CEP63: variants seen among roughly 807,000 people sequenced by gnomAD.
CEP63 encodes centrosomal protein 63.
Under a neutral mutation model 89.1 loss-of-function variants are expected in CEP63, and 84 were observed. That is an observed-to-expected ratio of 0.94 (90% confidence interval 0.79 to 1.13). The LOEUF is 1.13. Ranked by LOEUF, CEP63 falls within the 50% of genes most tolerant of loss-of-function variation. The pLI is 0.00. For synonymous variants in CEP63, 267 were observed against 272.5 expected, an observed-to-expected ratio of 0.98 and a Z score of 0.20; for missense variants, 838 against 813.3, an observed-to-expected ratio of 1.03 and a Z score of -0.37.
chr3:134,768,339 C>T, the CEP63 span, among the ~76,000 whole-genome samples: 266 of 152,316 alleles, frequency 1.7e-3, no homozygotes, highest in African/African-American at 6.0e-3. Flanking sequence ...CCGAATTTTT[C>T]AGGAACAAGG....
chr3:134,614,423 A>T, the CEP63 span, among the ~76,000 whole-genome samples: 2 of 152,224 alleles, frequency 1.3e-5, no homozygotes, highest in South Asian at 4.1e-4. Flanking sequence ...TGCCCTGAAC[A>T]AGCTGCCAAG....
the CEP63 span, among the ~76,000 whole-genome samples, chr3:134,663,691 G>T: frequency 6.6e-6 from 1 of 151,622 alleles, no homozygotes; most frequent in African/African-American, 2.4e-5. Context: ...ATCATTCCCT[G>T]GCATGCGGGG....
chr3:134,682,428 T>A, the CEP63 span, among the ~76,000 whole-genome samples: 1 of 152,158 alleles, frequency 6.6e-6, no homozygotes, highest in East Asian at 1.9e-4. Context: ...TAGGGCCCTG[T>A]AAGCCAATAG....
At chr3:134,681,529 G>T in the CEP63 span, among the ~76,000 whole-genome samples, 2 of 152,142 alleles carry the variant, frequency 1.3e-5, no homozygotes, top group African/African-American at 4.8e-5. Flanking sequence ...TACAGTGAAG[G>T]TTAAACCAGA....
At chr3:134,650,104 C>T in the CEP63 span, among the ~76,000 whole-genome samples, 1 of 152,178 alleles carries the variant, frequency 6.6e-6, no homozygotes, top group African/African-American at 2.4e-5. Flanking sequence ...GTTCTGTCGT[C>T]TGGAGAACAG....
chr3:134,778,544 T>C, the CEP63 span, among the ~76,000 whole-genome samples: 1 of 152,000 alleles, frequency 6.6e-6, no homozygotes. Flanking sequence ...CTGTTTTGTT[T>C]GTTTGTTTGT....
chr3:134,714,424 C>A, the CEP63 span, among the ~76,000 whole-genome samples: 10 of 152,184 alleles, frequency 6.6e-5, no homozygotes, highest in Non-Finnish European at 1.3e-4. Context: ...AATTCATGTC[C>A]CATCTTGTGT....
the CEP63 span, among the ~76,000 whole-genome samples, chr3:134,782,315 CT>C: frequency 1.3e-5 from 2 of 152,066 alleles, no homozygotes; most frequent in African/African-American, 4.8e-5. Flanking sequence ...AATGTTGTTT[CT>C]TTTTTTGGTG....
the CEP63 span, among the ~76,000 whole-genome samples, chr3:134,708,129 A>C: frequency 6.6e-6 from 1 of 152,188 alleles, no homozygotes; most frequent in African/African-American, 2.4e-5. Flanking sequence ...ATTGTGAATC[A>C]ATCCTTGCAC....
chr3:134,559,220 A>G lies in CEP63; in HGVS notation c.1744A>G (p.Arg582Gly), dbSNP rs1956873333. ...CTACAAAACAGATCTTCATTCTCCA[A>G]GAGGACAAGCGTCGGATAGTATAAA... The part of the protein sequence containing the change: ...EHYKTDLHSP[R>G]GQASDSINPM... Residue 582 changes from arginine to glycine, a missense_variant, in exon 14 of 15, where the codon AGA becomes GGA. Physicochemically the swap from Arg to Gly is moderately radical, Grantham distance 125. Transcript: ENST00000675561. 1.2e-6 allele frequency: 2 copies of G among 1,614,182 alleles called. No individual in the cohort carries two copies. The highest frequency in any genetic ancestry group is 1.7e-6 in the Non-Finnish European group (2 of 1,180,010).
At chr3:134,651,182 G>A in the CEP63 span, 1 of 1,381,768 alleles carries the variant, frequency 7.2e-7, no homozygotes. Flanking sequence ...GCGGCTCTAA[G>A]TCACCTTTGA....
chr3:134,752,361 T>C, the CEP63 span, among the ~76,000 whole-genome samples: 1 of 152,098 alleles, frequency 6.6e-6, no homozygotes, highest in Admixed American at 6.5e-5. Context: ...GAGGAAAGTG[T>C]CCAACACATA....
chr3:134,650,842 A>C, the CEP63 span: 2 of 1,604,740 alleles, frequency 1.2e-6, no homozygotes, highest in Non-Finnish European at 1.7e-6. Flanking sequence ...GCGCTGCAGC[A>C]GCGAGCTCGG....
At chr3:134,657,486 A>G in the CEP63 span, among the ~76,000 whole-genome samples, 5 of 152,348 alleles carry the variant, frequency 3.3e-5, no homozygotes, top group East Asian at 7.7e-4. Context: ...CCTGTAATGA[A>G]TAGTTTACTA....
the CEP63 span, among the ~76,000 whole-genome samples, chr3:134,599,066 C>G: frequency 6.6e-6 from 1 of 152,210 alleles, no homozygotes; most frequent in Non-Finnish European, 1.5e-5. Context: ...TGTTCCACAG[C>G]AGGGCCCTTC....
At chr3:134,534,296 C>T (rs530120231) in intron 5 of CEP63, among the ~76,000 whole-genome samples, 1 of 152,272 alleles carries the variant, frequency 6.6e-6, no homozygotes, top group East Asian at 1.9e-4. Context: ...GTTTGATTAT[C>T]TTTGTGTCTC....
intron 3 of CEP63, among the ~76,000 whole-genome samples, chr3:134,531,580 CAAAAAGAA>C (rs778867685): frequency 5.3e-5 from 8 of 151,548 alleles, no homozygotes; most frequent in Non-Finnish European, 8.8e-5. Flanking sequence ...ACTCCCATCT[CAAAAAGAA>C]AAAAAGAAAA....
chr3:134,669,798 C>T, the CEP63 span, among the ~76,000 whole-genome samples: 1 of 152,168 alleles, frequency 6.6e-6, no homozygotes, highest in African/African-American at 2.4e-5. Context: ...CAAATAATTT[C>T]TGTGCACAAG....
chr3:134,526,038 T>C (rs1264654340), intron 3 of CEP63, among the ~76,000 whole-genome samples: 1 of 152,162 alleles, frequency 6.6e-6, no homozygotes, highest in African/African-American at 2.4e-5. Context: ...TCCAGATTGG[T>C]TCCATTCTCC....
Sources: allele counts gnomAD v4.1 joint callset (sites outside exome capture counted in the v4.1 genomes callset), GRCh38; gene constraint gnomAD v4.1.1; transcripts MANE v1.5; gene names NCBI Gene and HGNC (gene_info 2026-07-23, HGNC 2026-07-21).